Variants in ZBED6 observed in about 807,000 individuals in gnomAD.
ZBED6 encodes the protein zinc finger BED domain-containing protein 6.
ZBED6 carries 40 observed loss-of-function variants against 58.4 expected under a neutral mutation model. The observed-to-expected ratio is 0.68, with a 90% CI of 0.53 to 0.89. The LOEUF is 0.89. Among genes scored for constraint, ZBED6 ranks in the 40% least tolerant of loss-of-function variants. The pLI is 0.00. For missense variants in ZBED6, 1,057 were observed against 1,003.9 expected (o/e 1.05, Z -0.71); for synonymous variants, 439 against 350.6 (o/e 1.25, Z -2.82).
At chr1:203,838,291 G>T (rs1044141134) in intron 10 of ZBED6, among the ~76,000 whole-genome samples, 1 of 152,156 alleles carries the variant, frequency 6.6e-6, no homozygotes, top group African/African-American at 2.4e-5. Context: ...ATAAATGGCA[G>T]GTAGGAATAC....
intron 1 of ZBED6, among the ~76,000 whole-genome samples, chr1:203,803,688 G>A (rs1480987366): frequency 3.3e-5 from 5 of 152,036 alleles, no homozygotes; most frequent in Middle Eastern, 6.8e-3. Context: ...TCACTGCAAC[G>A]TCAAACCCCT....
At chr1:203,804,487 C>A (rs150772519) in intron 1 of ZBED6, among the ~76,000 whole-genome samples, 1 of 152,006 alleles carries the variant, frequency 6.6e-6, no homozygotes, top group East Asian at 1.9e-4. Context: ...ATGGTCTCTT[C>A]CTGTATATCT....
At chr1:203,800,059 C>T in exon 1 of ZBED6, 1 of 1,536,062 alleles carries the variant, frequency 6.5e-7, no homozygotes, top group South Asian at 1.2e-5. Context: ...GTTGATAGCT[C>T]AGCTGTAGAC....
At chr1:203,803,176 A>T (rs1671042329) in intron 1 of ZBED6, among the ~76,000 whole-genome samples, 160 bp downstream of exon 1, 1 of 151,946 alleles carries the variant, frequency 6.6e-6, no homozygotes, top group South Asian at 2.1e-4. Flanking sequence ...ATGGAAACAT[A>T]TTTTTTTCTT....
chr1:203,806,752 GTGAT>G (rs1443425064), intron 1 of ZBED6, among the ~76,000 whole-genome samples: 1 of 149,766 alleles, frequency 6.7e-6, no homozygotes, highest in African/African-American at 2.4e-5. Context: ...ATGATTTCTG[GTGAT>G]TATGTGCATT....
At position 203,801,394 on chromosome 1, in the gene ZBED6, G is replaced by A. The variant is rs565848273; in HGVS notation, c.*932G>A. 5 of 152,260 alleles carry A rather than the reference G, an allele frequency of 3.3e-5. No homozygotes were observed. In the East Asian group the frequency reaches 9.6e-4, roughly 29 times the overall value. The allele number at this position is 152,260 out of a possible 1,614,324, so 9.4% of individuals were successfully genotyped here. A position where few individuals can be genotyped will look rare whatever the true frequency, so the allele number is the denominator to read the frequency against. The stretch of plus-strand genomic sequence containing the variant: ...AACTAAGCAGTCGGTATTTTTATGT[G>A]TTAGGAATCATTGGTGAAATGAGTG... On this transcript the variant is annotated 3_prime_UTR_variant, in exon 1 of 17. Transcript: ENST00000550078.
At chr1:203,832,610 C>T (rs1037290390) in intron 8 of ZBED6, among the ~76,000 whole-genome samples, 9 of 152,196 alleles carry the variant, frequency 5.9e-5, no homozygotes, top group African/African-American at 2.2e-4. Context: ...ATCTGCCTGC[C>T]TCAGCCTCCC....
chr1:203,821,040 C>G (rs1678487016), intron 3 of ZBED6, among the ~76,000 whole-genome samples: 1 of 152,088 alleles, frequency 6.6e-6, no homozygotes, highest in Admixed American at 6.6e-5. Context: ...GTATCCTCAC[C>G]TGAATCTCAC....
chr1:203,798,981 T>C (rs956602827), exon 1 of ZBED6: 1 of 1,536,164 alleles, frequency 6.5e-7, no homozygotes, highest in East Asian at 2.4e-5. Flanking sequence ...TGTTGACATA[T>C]GGACCCATGA....
chr1:203,830,006 T>C (rs1681745344), intron 6 of ZBED6, 110 bp downstream of exon 6: 2 of 1,286,862 alleles, frequency 1.6e-6, no homozygotes, highest in African/African-American at 1.5e-5. Flanking sequence ...CACGCATACT[T>C]ACCTATACTT....
exon 1 of ZBED6, chr1:203,800,429 T>C: frequency 7.1e-7 from 1 of 1,402,026 alleles, no homozygotes; most frequent in Non-Finnish European, 9.6e-7. Flanking sequence ...AGAATGAAGT[T>C]GTTCAAAGCA....
intron 3 of ZBED6, among the ~76,000 whole-genome samples, chr1:203,828,070 T>G (rs1039908188): frequency 6.6e-6 from 1 of 152,128 alleles, no homozygotes; most frequent in Non-Finnish European, 1.5e-5. Context: ...GGTTCCAGGA[T>G]GAGGGTAAAA....
At chr1:203,837,216 A>G (rs1684612164) in intron 9 of ZBED6, among the ~76,000 whole-genome samples, 1 of 149,430 alleles carries the variant, frequency 6.7e-6, no homozygotes, top group African/African-American at 2.5e-5. Flanking sequence ...GCTTGAGCCT[A>G]GGAGGTGGAG....
chr1:203,800,252 G>T (rs929990267), exon 1 of ZBED6: 3 of 1,136,652 alleles, frequency 2.6e-6, no homozygotes, highest in Non-Finnish European at 3.8e-6. Context: ...GTTGCCCCAT[G>T]TGTAGTTGGC....
At chr1:203,850,898 T>C (rs2103462229) in intron 15 of ZBED6, among the ~76,000 whole-genome samples, 159 bp from the exon 16 acceptor site, 2 of 152,314 alleles carry the variant, frequency 1.3e-5, no homozygotes, top group East Asian at 1.9e-4. Context: ...TGGCAAGATA[T>C]TTTGCTTATT....
chr1:203,821,707 A>T (rs1251771394), intron 3 of ZBED6, among the ~76,000 whole-genome samples: 1 of 152,114 alleles, frequency 6.6e-6, no homozygotes, highest in Non-Finnish European at 1.5e-5. Flanking sequence ...AGAGCTGAGG[A>T]ATATATAAAT....
chr1:203,837,326 T>C (rs1684669605), intron 9 of ZBED6, among the ~76,000 whole-genome samples: 2 of 151,626 alleles, frequency 1.3e-5, no homozygotes, highest in African/African-American at 4.8e-5. Context: ...TACATGAAGA[T>C]TTTTCACATT....
chr1:203,815,343 G>A (rs927695850), intron 1 of ZBED6, among the ~76,000 whole-genome samples: 4 of 135,274 alleles, frequency 3.0e-5, no homozygotes, highest in Admixed American at 2.3e-4. Flanking sequence ...GCTCCCCCGT[G>A]TAGCTGGGAT....
exon 17 of ZBED6, chr1:203,852,239 G>C (rs1246344584): frequency 1.2e-6 from 2 of 1,613,562 alleles, no homozygotes; most frequent in Admixed American, 3.3e-5. Context: ...CGCCGACTCA[G>C]CTCTGCCTCA....
Sources: gnomAD v4.1 joint callset for allele counts (sites outside exome capture counted in the v4.1 genomes callset) on GRCh38, gnomAD v4.1.1 for gene constraint, MANE v1.5 for transcripts, NCBI Gene and HGNC (gene_info 2026-07-23, HGNC 2026-07-21) for gene names.